Variants in ASIP observed in about 807,000 individuals in gnomAD.
The protein encoded by ASIP is agouti signaling protein, also known as agouti-signaling protein.
Under a neutral mutation model 10.3 loss-of-function variants are expected in ASIP, and 11 were observed. The observed-to-expected ratio is 1.07, with a 90% CI of 0.68 to 1.78. The LOEUF is 1.78. Among genes scored for constraint, ASIP ranks in the 40% most tolerant of loss-of-function variants. The pLI is 0.00. For synonymous variants in ASIP, 70 were observed against 70.8 expected (o/e 0.99, Z 0.06); for missense variants, 180 against 169.2 (o/e 1.06, Z -0.35).
intron 1 of ASIP, among the ~76,000 whole-genome samples, chr20:34,245,375 G>C (rs967911092): frequency 6.7e-6 from 1 of 149,282 alleles, no homozygotes; most frequent in African/African-American, 2.5e-5. Context: ...GAGAAAGTCA[G>C]TACCAAATGA....
intron 1 of ASIP, among the ~76,000 whole-genome samples, chr20:34,260,038 T>C (rs1385351782): frequency 6.6e-6 from 1 of 152,006 alleles, no homozygotes; most frequent in African/African-American, 2.4e-5. Flanking sequence ...TGGGGTCTCC[T>C]GGGGCCACAG....
chr20:34,260,543 C>T lies in ASIP; in HGVS notation c.160+9C>T, dbSNP rs2035672254. ...TTCTGTCTCTATTGTGGGTAAGTCA[C>T]CTAGCCTCTGGGCTCTGGCCCAGGA... is the stretch of plus-strand genomic sequence containing the variant. On this transcript the variant is annotated intron_variant, in intron 2 of 3. Transcript: ENST00000374954. 6.2e-7 allele frequency: 1 copy of T among 1,603,050 alleles called. No individual in the cohort carries two copies. The highest frequency in any genetic ancestry group is 1.3e-5 in the African/African-American group (1 of 74,818).
At chr20:34,212,010 T>C (rs977513363) in intron 1 of ASIP, among the ~76,000 whole-genome samples, 4 of 152,224 alleles carry the variant, frequency 2.6e-5, no homozygotes, top group African/African-American at 9.6e-5. Flanking sequence ...CTCTCTCTTA[T>C]CCTTCTAAGA....
chr20:34,252,024 A>G (rs2035485292), intron 1 of ASIP, among the ~76,000 whole-genome samples: 1 of 152,266 alleles, frequency 6.6e-6, no homozygotes, highest in Non-Finnish European at 1.5e-5. Flanking sequence ...GATAGAAGGT[A>G]GATTCTTTCA....
intron 1 of ASIP, among the ~76,000 whole-genome samples, chr20:34,196,347 G>A (rs543445742): frequency 2.2e-4 from 33 of 151,866 alleles, no homozygotes; most frequent in Admixed American, 1.2e-3. Flanking sequence ...CTAATTTTTT[G>A]TATTTTTAGT....
intron 1 of ASIP, among the ~76,000 whole-genome samples, chr20:34,196,319 G>A (rs1465859967): frequency 1.3e-5 from 2 of 151,264 alleles, no homozygotes; most frequent in South Asian, 4.2e-4. Context: ...AGCTACAGGC[G>A]CCCGCCACCA....
chr20:34,263,375 G>T (rs990757736), intron 3 of ASIP, among the ~76,000 whole-genome samples: 1 of 152,112 alleles, frequency 6.6e-6, no homozygotes, highest in African/African-American at 2.4e-5. Context: ...GACTAGCCTG[G>T]CCAACATGGT....
the ASIP span, among the ~76,000 whole-genome samples, chr20:34,189,048 T>C: frequency 2.0e-5 from 3 of 152,212 alleles, no homozygotes; most frequent in Non-Finnish European, 4.4e-5. Flanking sequence ...ACTGTCACAA[T>C]AATGACACTA....
rs1568756489 is a variant in ASIP, at chr20:34,235,893, G to GCGGGAGGGAGGGAA, written c.-10-24472_-10-24471insCGGGAGGGAGGGAA. On this transcript the variant is annotated intron_variant, in intron 1 of 3. Transcript: ENST00000568305. ...AGGAAGGAAGGAAGGAAGGAAGGAA[G>GCGGGAGGGAGGGAA]GAAGGAAAGGAAGGAAGGAAGGAAG... Among the ~76,000 whole-genome samples the GCGGGAGGGAGGGAA allele has an allele frequency of 7.6e-5, 7 of 92,018 alleles. 1 individual carries two copies. Among genetic ancestry groups the GCGGGAGGGAGGGAA allele is most frequent in the African/African-American group, 4.1e-4 (7 of 16,918 alleles). 60.4% of individuals were successfully genotyped at this position (92,018 alleles called of 152,430 possible). A position where few individuals can be genotyped will look rare whatever the true frequency, so the allele number is the denominator to read the frequency against.
intron 1 of ASIP, among the ~76,000 whole-genome samples, chr20:34,251,846 A>G (rs915397830): frequency 3.0e-4 from 46 of 152,280 alleles, no homozygotes; most frequent in African/African-American, 1.1e-3. Context: ...ATGGCTGTCT[A>G]TGAAGAAATA....
intron 1 of ASIP, 106 bp downstream of exon 1, chr20:34,241,595 C>T: frequency 2.1e-6 from 2 of 952,942 alleles, no homozygotes; most frequent in Non-Finnish European, 2.5e-6. Flanking sequence ...GAAAGTTAAA[C>T]AGATTTTTTT....
At chr20:34,262,412 T>C (rs1391678467) in intron 2 of ASIP, among the ~76,000 whole-genome samples, 2 of 151,918 alleles carry the variant, frequency 1.3e-5, no homozygotes, top group African/African-American at 4.8e-5. Context: ...GAATGGAAAA[T>C]AGGAAACACA....
upstream of ASIP, among the ~76,000 whole-genome samples, chr20:34,238,103 A>G (rs1367911728): frequency 6.6e-6 from 1 of 152,130 alleles, no homozygotes; most frequent in East Asian, 1.9e-4. Context: ...CAAAAGTTTG[A>G]TTATACCGTA....
intron 1 of ASIP, among the ~76,000 whole-genome samples, chr20:34,223,623 C>T (rs1187658470): frequency 2.1e-5 from 3 of 145,686 alleles, no homozygotes; most frequent in Non-Finnish European, 3.0e-5. Flanking sequence ...CCCGGCCAGC[C>T]GCCCCGTCCG....
chr20:34,237,051 T>G (rs572265370), upstream of ASIP, among the ~76,000 whole-genome samples: 1 of 152,354 alleles, frequency 6.6e-6, no homozygotes, highest in Non-Finnish European at 1.5e-5. Flanking sequence ...CCTTTATTTA[T>G]TCTATTATGG....
chr20:34,269,014 G>A lies in ASIP; in HGVS notation c.246G>A (p.Val82=), dbSNP rs2035840154. The change falls in exon 4 of 4, where the codon GTG becomes GTA. Residue 82 remains valine (V), a synonymous_variant. Coordinates refer to ENST00000374954, the MANE Select transcript of ASIP (RefSeq NM_001672.3). ...SSKKEASMKK[V]VRPRTPLSAP... Reference sequence around the variant, plus strand: ...AGAAGGAGGCTTCGATGAAGAAAGTGGTGCGGCCCCGGACCCCCCTATCTG... The same window carrying A: ...AGAAGGAGGCTTCGATGAAGAAAGTAGTGCGGCCCCGGACCCCCCTATCTG... The A allele has an allele frequency of 1.9e-6, 3 of 1,607,876 alleles. No individual in the cohort carries two copies. Among genetic ancestry groups the A allele is most frequent in the Admixed American group, 3.4e-5 (2 of 59,590 alleles).
At chr20:34,195,756 A>G (rs1264324579) in intron 1 of ASIP, among the ~76,000 whole-genome samples, 4 of 152,188 alleles carry the variant, frequency 2.6e-5, no homozygotes. Flanking sequence ...GTACATAAGG[A>G]CAGATATAGC....
intron 1 of ASIP, among the ~76,000 whole-genome samples, chr20:34,232,838 C>T (rs1466781542): frequency 6.6e-6 from 1 of 152,232 alleles, no homozygotes; most frequent in South Asian, 2.1e-4. Context: ...ACTGGTTTGA[C>T]AAACCCAGCA....
At chr20:34,209,455 C>T (rs1049037440) in intron 1 of ASIP, among the ~76,000 whole-genome samples, 9 of 152,246 alleles carry the variant, frequency 5.9e-5, no homozygotes, top group East Asian at 1.9e-4. Context: ...GATGCAGCTA[C>T]AGCCACCCAA....
Sources: gnomAD v4.1 joint callset for allele counts (sites outside exome capture counted in the v4.1 genomes callset) on GRCh38, gnomAD v4.1.1 for gene constraint, MANE v1.5 for transcripts, NCBI Gene and HGNC (gene_info 2026-07-23, HGNC 2026-07-21) for gene names.